The following NDUFS1 variants were observed in gnomAD, a reference collection of about 807,000 sequenced individuals.
The protein encoded by NDUFS1 is NADH-ubiquinone oxidoreductase 75 kDa subunit, mitochondrial.
A neutral mutation model predicts 84.4 loss-of-function variants in NDUFS1; 61 were observed. The observed-to-expected ratio is 0.72, with a 90% confidence interval of 0.59 to 0.89. The LOEUF is 0.89. Ranked by LOEUF, NDUFS1 falls within the 40% of genes least tolerant of loss-of-function variation. NDUFS1 has a pLI of 0.00. For synonymous variants in NDUFS1, 275 were observed against 290.0 expected, an observed-to-expected ratio of 0.95 and a Z score of 0.53; for missense variants, 891 against 890.0, an observed-to-expected ratio of 1.00 and a Z score of -0.01.
intron 13 of NDUFS1, among the ~76,000 whole-genome samples, chr2:206,136,027 C>T (rs1034435318): frequency 6.6e-6 from 1 of 151,278 alleles, no homozygotes; most frequent in Non-Finnish European, 1.5e-5. Context: ...TGGACAACTG[C>T]ATCAGCTTTT....
rs3217140 is a variant in NDUFS1 at position 206,150,023 on chromosome 2, T to TTCTATCTATCTA, written c.154-110_154-99dup. ...ACACACACATACAGCATCTTATTACTTCTATCTATCTATCTATCTATCTAT... is the reference window on the plus strand; with the variant it reads ...ACACACACATACAGCATCTTATTACTTCTATCTATCTATCTATCTATCTATCTATCTATCTAT... On this transcript the variant is annotated intron_variant, in intron 3 of 18. Transcript: ENST00000233190. The TTCTATCTATCTA allele has an allele frequency of 0.074, 51,141 of 691,188 alleles. 2,503 individuals carry two copies. Among genetic ancestry groups the TTCTATCTATCTA allele is most frequent in the African/African-American group, 0.17 (9,133 of 52,856 alleles). 42.8% of individuals were successfully genotyped at this position (691,188 alleles called of 1,614,324 possible).
chr2:206,117,857 A>C lies in NDUFS1; in HGVS notation c.*6328T>G, dbSNP rs1281530992. ...ATTATAAAATGCAGGTATAATACTA[A>C]AATTTTTTTTTGTATAGTCCTTTAC... On this transcript the variant is annotated 3_prime_UTR_variant, in exon 19 of 19. Coordinates refer to ENST00000233190, the MANE Select transcript of NDUFS1 (RefSeq NM_005006.7). 1 of 152,158 alleles carries C rather than the reference A, an allele frequency of 6.6e-6. No homozygotes were observed. Among genetic ancestry groups the C allele is most frequent in the African/African-American group, 2.4e-5 (1 of 41,444 alleles). The allele number at this position is 152,158 out of a possible 1,614,324, so 9.4% of individuals were successfully genotyped here. A position where few individuals can be genotyped will look rare whatever the true frequency, so the allele number is the denominator to read the frequency against.
intron 2 of NDUFS1, 27 bp downstream of exon 2, chr2:206,153,591 C>G (rs773412433): frequency 1.4e-6 from 2 of 1,398,840 alleles, no homozygotes; most frequent in South Asian, 1.2e-5. Flanking sequence ...CTAATATCCA[C>G]GAATGCAAAT....
intron 4 of NDUFS1, 49 bp downstream of exon 4, chr2:206,149,767 TAA>T: frequency 7.3e-7 from 1 of 1,366,320 alleles, no homozygotes; most frequent in Non-Finnish European, 1.0e-6. Flanking sequence ...CTGCAAGATT[TAA>T]AGTTTTCTAC....
chr2:206,139,372 A>G (rs1356446970), intron 12 of NDUFS1, among the ~76,000 whole-genome samples: 3 of 151,842 alleles, frequency 2.0e-5, no homozygotes, highest in African/African-American at 7.3e-5. Context: ...TTTTAGTAGA[A>G]GGCAGGCTTT....
At chr2:206,131,003 T>C (rs1383209820) in intron 14 of NDUFS1, among the ~76,000 whole-genome samples, 1 of 152,216 alleles carries the variant, frequency 6.6e-6, no homozygotes, top group East Asian at 1.9e-4. Flanking sequence ...AAATTTTTTC[T>C]ACGAATATAT....
Position 206,132,040 on chromosome 2 carries a change from G to A in NDUFS1, c.1553+905C>T, listed in dbSNP as rs562247361. The stretch of plus-strand genomic sequence containing the variant: ...CTTGGGAGGCTGAGGCAGGAGGATC[G>A]CTTGAACCTGGGAGGGGGAGGCTGC... On this transcript the variant is annotated intron_variant, in intron 14 of 18. Coordinates refer to ENST00000233190, the MANE Select transcript of NDUFS1 (RefSeq NM_005006.7). 3.3e-5 allele frequency among the ~76,000 whole-genome samples: 5 copies of A among 152,126 alleles called. No homozygotes were observed. In the East Asian group the frequency reaches 7.7e-4, roughly 24 times the overall value.
rs200782941 is a variant in NDUFS1, at chr2:206,126,816, G to C, written c.1913C>G (p.Thr638Ser). 1 of 1,614,112 alleles carries C rather than the reference G, an allele frequency of 6.2e-7. No homozygotes were observed. Among genetic ancestry groups the C allele is most frequent in the Non-Finnish European group, 8.5e-7 (1 of 1,180,028 alleles). ...EIAGMTLPYD[T>S]LDQVRNRLEE... ...CAATCTGTTCCTTACTTGATCCAGA[G>C]TATCATATGGAAGAGTCATTCCAGC... Residue 638 changes from threonine to serine, a missense_variant, in exon 17 of 19, where the codon ACT becomes AGT. Physicochemically the swap from Thr to Ser is moderately conservative, Grantham distance 58. Coordinates refer to ENST00000233190, the MANE Select transcript of NDUFS1 (RefSeq NM_005006.7).
chr2:206,158,850 T>G (rs1687786764), intron 1 of NDUFS1, among the ~76,000 whole-genome samples: 2 of 152,254 alleles, frequency 1.3e-5, no homozygotes, highest in Admixed American at 1.3e-4. Context: ...AAAAAAATGC[T>G]GTCCAACGTG....
At chr2:206,157,230 C>G (rs1169102335) in intron 1 of NDUFS1, among the ~76,000 whole-genome samples, 1 of 152,196 alleles carries the variant, frequency 6.6e-6, no homozygotes, top group African/African-American at 2.4e-5. Flanking sequence ...GGATTACAGA[C>G]GTGAGTCACC....
chr2:206,139,141 A>G (rs904054717), intron 12 of NDUFS1, among the ~76,000 whole-genome samples: 19 of 152,020 alleles, frequency 1.2e-4, no homozygotes, highest in African/African-American at 3.9e-4. Context: ...AAAAAAAAAA[A>G]AAAGAAAGAA....
chr2:206,135,493 T>G (rs1691671974), intron 13 of NDUFS1, among the ~76,000 whole-genome samples: 1 of 151,778 alleles, frequency 6.6e-6, no homozygotes, highest in African/African-American at 2.4e-5. Flanking sequence ...GCCAACATGG[T>G]GAAACCCTGT....
intron 12 of NDUFS1, 152 bp from the exon 13 acceptor site, chr2:206,138,766 AAC>A (rs1691822051): frequency 2.2e-6 from 2 of 911,574 alleles, no homozygotes; most frequent in South Asian, 2.9e-5. Flanking sequence ...TACCTTTCAA[AAC>A]AGTGTTGCAA....
At chr2:206,145,110 T>C (rs959326437) in intron 8 of NDUFS1, 84 bp from the exon 9 acceptor site, 12 of 1,321,262 alleles carry the variant, frequency 9.1e-6, no homozygotes, top group Non-Finnish European at 3.1e-6. Flanking sequence ...AAATTTTTTT[T>C]ACAATTAATT....
chr2:206,133,875 G>A (rs1481598369), intron 13 of NDUFS1, among the ~76,000 whole-genome samples: 1 of 152,214 alleles, frequency 6.6e-6, no homozygotes, highest in Non-Finnish European at 1.5e-5. Context: ...AGCTACACAG[G>A]AGGCTGAGGC....
chr2:206,132,977 A>G lies in NDUFS1; in HGVS notation c.1521T>C (p.Thr507=), dbSNP rs1371546528. The G allele has an allele frequency of 1.9e-6, 3 of 1,613,868 alleles. No homozygotes were observed. Among genetic ancestry groups the G allele is most frequent in the Non-Finnish European group, 2.5e-6 (3 of 1,179,930 alleles). Residue 507 remains threonine (T), a synonymous_variant, in exon 14 of 19, where the codon ACT becomes ACC. Coordinates refer to ENST00000233190, the MANE Select transcript of NDUFS1 (RefSeq NM_005006.7). ...AQKIRMTSGV[T]GDWKVMNILH... is the part of the protein sequence containing the mutation. ...GGATATTCATAACTTTCCAATCACCAGTAACACCACTAGTCATCCGAATCT... is the reference window on the plus strand; with the variant it reads ...GGATATTCATAACTTTCCAATCACCGGTAACACCACTAGTCATCCGAATCT...
rs1354320308 is a variant in NDUFS1 at position 206,114,917 on chromosome 2, A to C, written c.*9268T>G. The C allele has an allele frequency of 2.0e-5, 3 of 152,218 alleles. No homozygotes were observed. Among genetic ancestry groups the C allele is most frequent in the Non-Finnish European group, 4.4e-5 (3 of 68,038 alleles). The allele number at this position is 152,218 out of a possible 1,614,324, so 9.4% of individuals were successfully genotyped here. On this transcript the variant is annotated 3_prime_UTR_variant, in exon 19 of 19. Transcript: ENST00000233190. ...ACACACATTATTGTACACTTAATTT[A>C]TGTCCTTAATACATTCTGAAGCACT... is the stretch of plus-strand genomic sequence containing the variant.
At chr2:206,156,250 A>C (rs1419074358) in intron 1 of NDUFS1, among the ~76,000 whole-genome samples, 2 of 135,656 alleles carry the variant, frequency 1.5e-5, no homozygotes, top group Non-Finnish European at 3.1e-5. Context: ...GCGACAGAGC[A>C]ACACTCTGTC....
At chr2:206,129,949 T>TA (rs896513619) in intron 15 of NDUFS1, 139 bp downstream of exon 15, 519 of 881,972 alleles carry the variant, frequency 5.9e-4, no homozygotes, top group Non-Finnish European at 7.1e-4. Context: ...GTGGTTTGTT[T>TA]AAAAAAAAAG....
Sources: allele counts gnomAD v4.1 joint callset (sites outside exome capture counted in the v4.1 genomes callset), GRCh38; gene constraint gnomAD v4.1.1; transcripts MANE v1.5; gene names NCBI Gene and HGNC (gene_info 2026-07-23, HGNC 2026-07-21).